ZMYM3: variants seen among roughly 807,000 people sequenced by gnomAD.
The protein encoded by ZMYM3 is zinc finger MYM-type protein 3.
In ZMYM3, 6 loss-of-function variants were observed where a neutral mutation model predicts 94.2. That is an observed-to-expected ratio of 0.06 (90% CI 0.03 to 0.13). The LOEUF (loss-of-function observed/expected upper bound fraction) is 0.13. ZMYM3 is among the 10% of genes least tolerant of loss of function. The pLI is 1.00. For synonymous variants in ZMYM3, 420 were observed against 426.5 expected (o/e 0.98, Z 0.19); for missense variants, 664 against 1,132.6 (o/e 0.59, Z 5.94).
intron 11 of ZMYM3, 70 bp downstream of exon 11, chrX:71,248,092 C>G: frequency 5.9e-6 from 7 of 1,178,897 alleles, no homozygotes; most frequent in Non-Finnish European, 8.0e-6. Flanking sequence ...CTTTCCCGGC[C>G]TCCCTCCCTT....
chrX:71,246,270 C>A, intron 15 of ZMYM3, 83 bp downstream of exon 15: 1 of 1,159,316 alleles, frequency 8.6e-7, no homozygotes, highest in Non-Finnish European at 1.2e-6. Flanking sequence ...CCTAAGAAAT[C>A]CCCTTGTCCA....
intron 20 of ZMYM3, 24 bp downstream of exon 20, chrX:71,244,278 C>T (rs1240318784): frequency 1.7e-6 from 2 of 1,202,765 alleles, no homozygotes; most frequent in South Asian, 1.8e-5. Context: ...TGCCTCCCCA[C>T]ACCCCCCATC....
chrX:71,250,855 A>T, intron 4 of ZMYM3, 129 bp from the exon 5 acceptor site: 1 of 675,824 alleles, frequency 1.5e-6, no homozygotes, highest in Non-Finnish European at 2.2e-6. Context: ...CCCTTGTTAC[A>T]TCAGTATCTT....
At chrX:71,241,938 T>TA (rs2029964112) in intron 23 of ZMYM3, among the ~76,000 whole-genome samples, 1 of 111,396 alleles carries the variant, frequency 9.0e-6, no homozygotes, top group African/African-American at 3.3e-5. Flanking sequence ...TAAACTGTCT[T>TA]AAATGAGGAA....
intron 22 of ZMYM3, 130 bp from the exon 23 acceptor site, chrX:71,242,554 A>G: frequency 2.3e-6 from 2 of 874,623 alleles, no homozygotes; most frequent in Non-Finnish European, 3.2e-6. Flanking sequence ...TATATAAAAC[A>G]CTGTCACTTC....
intron 10 of ZMYM3, 53 bp downstream of exon 10, chrX:71,248,385 C>G (rs975865970): frequency 8.4e-7 from 1 of 1,195,011 alleles, no homozygotes; most frequent in Non-Finnish European, 1.1e-6. Context: ...TGGAAGGACC[C>G]CTTCAGACAG....
chrX:71,255,101 T>TCTCTCTCTCTCC (rs2030698341), upstream of ZMYM3: 27 of 60,820 alleles, frequency 4.4e-4, no homozygotes, highest in Non-Finnish European at 6.8e-4. Flanking sequence ...TCTCTCTCTC[T>TCTCTCTCTCTCC]CTCTCTCTCT....
chrX:71,242,792 C>A (rs987679904), intron 22 of ZMYM3, among the ~76,000 whole-genome samples, 178 bp downstream of exon 22: 2 of 111,843 alleles, frequency 1.8e-5, no homozygotes, highest in African/African-American at 6.5e-5. Flanking sequence ...CCCCATCTCA[C>A]GTTCAAGAAC....
At chrX:71,244,074 G>A in intron 20 of ZMYM3, 94 bp from the exon 21 acceptor site, 1 of 1,072,557 alleles carries the variant, frequency 9.3e-7, no homozygotes, top group Non-Finnish European at 1.3e-6. Context: ...CCATCCCTTA[G>A]TCATGCCTAG....
chrX:71,246,447 T>C lies in ZMYM3; in HGVS notation c.2478A>G (p.Thr826=), dbSNP rs1355016331. 4 of 1,116,402 alleles carry C rather than the reference T, an allele frequency of 3.6e-6. No individual in the cohort carries two copies. Among genetic ancestry groups the C allele is most frequent in the Non-Finnish European group, 4.7e-6 (4 of 843,094 alleles). The allele number at this position is 1,116,402 out of a possible 1,213,427, so 92.0% of individuals were successfully genotyped here. ...ACATGGCAGCCTTGTTTTTGCGGGG[T>C]GTTGCTGGGGGTGGTGGGGGTGGAG... ...PTPPPPPPPA[T]PRKNKAAMCK... is the part of the protein sequence containing the mutation. The change falls in exon 15 of 25, where the codon ACA becomes ACG. Residue 826 remains threonine (T), a synonymous_variant. Coordinates refer to ENST00000314425, the MANE Select transcript of ZMYM3 (RefSeq NM_201599.3).
At position 71,251,196 on chromosome X, in the gene ZMYM3, C is replaced by T; in HGVS notation, c.760G>A (p.Val254Ile). 2 of 1,210,752 alleles carry T rather than the reference C, an allele frequency of 1.7e-6. No individual in the cohort carries two copies. Among genetic ancestry groups the T allele is most frequent in the Non-Finnish European group, 2.2e-6 (2 of 895,138 alleles). ...TACTTACTGCTCTCAGTGGAATCTA[C>T]AACCTCAGGTTTTGGAGGTTCTGCT... is the stretch of plus-strand genomic sequence containing the variant. ...RRAEPPKPEVVDSTESIPVSD... is the reference protein window; with the variant it reads ...RRAEPPKPEVIDSTESIPVSD... Residue 254 changes from valine to isoleucine, a missense_variant, in exon 4 of 25, where the codon GTA becomes ATA. This residue lies in a region of ZMYM3 where 45 missense variants were observed against 92.9 expected (regional missense o/e 0.48). Coordinates refer to ENST00000314425, the MANE Select transcript of ZMYM3 (RefSeq NM_201599.3).
intron 13 of ZMYM3, among the ~76,000 whole-genome samples, chrX:71,247,016 C>T (rs1311671401): frequency 9.0e-6 from 1 of 111,209 alleles, no homozygotes; most frequent in Non-Finnish European, 1.9e-5. Context: ...AGTCTTCAGT[C>T]TCACTAAATG....
At position 71,250,421 on chromosome X, in the gene ZMYM3, C is replaced by A. The variant is rs775010175; in HGVS notation, c.1073+11G>T. The stretch of plus-strand genomic sequence containing the variant: ...CCTGCCCTCTGCATAGCCCCCAAGA[C>A]CCTCACGCACTTCTTGCAGAAGGTA... On this transcript the variant is annotated intron_variant, in intron 5 of 24. Coordinates refer to ENST00000314425, the MANE Select transcript of ZMYM3 (RefSeq NM_201599.3). 21 of 1,196,032 alleles carry A rather than the reference C, an allele frequency of 1.8e-5. No homozygotes were observed. Among genetic ancestry groups the A allele is most frequent in the Non-Finnish European group, 2.3e-5 (20 of 887,594 alleles).
chrX:71,248,859 C>T (rs1005805094), intron 8 of ZMYM3, 58 bp from the exon 9 acceptor site: 13 of 1,094,702 alleles, frequency 1.2e-5, no homozygotes, highest in Non-Finnish European at 1.6e-5. Flanking sequence ...AGAGAGAGAG[C>T]ACACAGAAGG....
In ZMYM3 at chrX:71,250,151, A is replaced by C. The variant is rs1361400171; in HGVS notation, c.1126T>G (p.Ser376Ala). ...SVVAQTGSGGSFHEFCTSVCL... is the reference protein window; with the variant it reads ...SVVAQTGSGGAFHEFCTSVCL... ...ACGGATGTGCAGAACTCATGGAAGG[A>C]GCCTCCAGAACCAGTCTGCGCCACA... Residue 376 changes from serine to alanine, a missense_variant, in exon 6 of 25, where the codon TCC becomes GCC. Transcript: ENST00000314425. The C allele has an allele frequency of 2.5e-6, 3 of 1,202,867 alleles. No individual in the cohort carries two copies. Among genetic ancestry groups the C allele is most frequent in the Non-Finnish European group, 3.4e-6 (3 of 892,024 alleles).
At chrX:71,252,075 G>A (rs1005438647) in intron 2 of ZMYM3, among the ~76,000 whole-genome samples, 1 of 110,645 alleles carries the variant, frequency 9.0e-6, no homozygotes, top group Non-Finnish European at 1.9e-5. Flanking sequence ...AGCCTCTCAA[G>A]TCAAGGTTGT....
intron 23 of ZMYM3, among the ~76,000 whole-genome samples, chrX:71,241,770 A>C (rs1007592923): frequency 8.9e-6 from 1 of 111,780 alleles, no homozygotes; most frequent in Non-Finnish European, 1.9e-5. Context: ...CAGACAGGAC[A>C]GAAGTCCAGG....
chrX:71,247,586 A>G, intron 12 of ZMYM3, 76 bp from the exon 13 acceptor site: 3 of 1,154,361 alleles, frequency 2.6e-6, no homozygotes, highest in Non-Finnish European at 3.5e-6. Context: ...GGGATAAGCC[A>G]TGCTCCTCCC....
chrX:71,245,127 T>TAAAAAA (rs5902685), intron 18 of ZMYM3, among the ~76,000 whole-genome samples: 115 of 42,551 alleles, frequency 2.7e-3, no homozygotes, highest in East Asian at 6.3e-3. Context: ...GCTTAAAAAT[T>TAAAAAA]AAAAAAAAAA....
Sources: allele counts gnomAD v4.1 joint callset (sites outside exome capture counted in the v4.1 genomes callset), GRCh38; gene constraint gnomAD v4.1.1; regional missense constraint gnomAD v4.1.1; transcripts MANE v1.5; gene names NCBI Gene and HGNC (gene_info 2026-07-23, HGNC 2026-07-21).